Variants in EYS observed in about 807,000 individuals in gnomAD.
EYS encodes protein eyes shut homolog.
In EYS, 250 loss-of-function variants were observed where a neutral mutation model predicts 282.1. The observed-to-expected ratio is 0.89, with a 90% CI of 0.80 to 0.98. EYS has a LOEUF of 0.98. Ranked by LOEUF, EYS falls within the 50% of genes least tolerant of loss-of-function variation. The pLI is 0.00. For synonymous variants in EYS, 1,355 were observed against 1,282.9 expected, an observed-to-expected ratio of 1.06 and a Z score of -1.20; for missense variants, 4,016 against 3,709.0, an observed-to-expected ratio of 1.08 and a Z score of -2.15.
intron 14 of EYS, among the ~76,000 whole-genome samples, chr6:64,988,525 C>T (rs1444011392): frequency 6.6e-6 from 1 of 151,388 alleles, no homozygotes; most frequent in Non-Finnish European, 1.5e-5. Context: ...TTCTTCTTTC[C>T]TTCCTTTCTT....
intron 13 of EYS, among the ~76,000 whole-genome samples, chr6:64,998,894 G>A (rs1771363726): frequency 6.6e-6 from 1 of 151,942 alleles, no homozygotes; most frequent in Non-Finnish European, 1.5e-5. Context: ...ATTTAAGTTG[G>A]GATACTGATG....
chr6:64,886,065 CA>C (rs11350486), intron 19 of EYS, among the ~76,000 whole-genome samples: 23,430 of 151,636 alleles, frequency 0.15, 2,135 homozygotes, highest in East Asian at 0.49. Flanking sequence ...CAAAATAACA[CA>C]AAAACTATAT....
chr6:64,528,228 G>A (rs1241050738), intron 26 of EYS, among the ~76,000 whole-genome samples: 1 of 151,822 alleles, frequency 6.6e-6, no homozygotes, highest in Non-Finnish European at 1.5e-5. Context: ...TGCATTGACA[G>A]GTATTCTTGT....
intron 22 of EYS, among the ~76,000 whole-genome samples, chr6:64,746,498 G>A (rs1023702500): frequency 2.6e-5 from 4 of 151,938 alleles, no homozygotes; most frequent in African/African-American, 9.7e-5. Flanking sequence ...CGGTTACAGC[G>A]TCATAAATAG....
At chr6:64,683,673 A>G (rs1191914394) in intron 22 of EYS, among the ~76,000 whole-genome samples, 3 of 152,228 alleles carry the variant, frequency 2.0e-5, no homozygotes, top group African/African-American at 7.2e-5. Flanking sequence ...AAACATGGTG[A>G]AAAGTGCAAA....
At chr6:65,062,527 A>G (rs1161584295) in intron 12 of EYS, among the ~76,000 whole-genome samples, 1 of 151,960 alleles carries the variant, frequency 6.6e-6, no homozygotes, top group Non-Finnish European at 1.5e-5. Flanking sequence ...TAATATAATT[A>G]GGAAATACAA....
intron 31 of EYS, among the ~76,000 whole-genome samples, chr6:64,085,182 T>C (rs1772102169): frequency 6.6e-6 from 1 of 152,066 alleles, no homozygotes; most frequent in African/African-American, 2.4e-5. Flanking sequence ...TTCGCTATGT[T>C]GGCCAGGCTG....
chr6:65,306,803 A>AGCCTG (rs1442083067), intron 11 of EYS, among the ~76,000 whole-genome samples: 1 of 114,054 alleles, frequency 8.8e-6, no homozygotes, highest in East Asian at 2.8e-4. Flanking sequence ...ACTGCACTCC[A>AGCCTG]GCCTGGGCAG....
intron 26 of EYS, among the ~76,000 whole-genome samples, chr6:64,505,489 C>T (rs941755953): frequency 4.6e-5 from 7 of 152,192 alleles, no homozygotes; most frequent in Admixed American, 2.6e-4. Context: ...CAGCCACCGG[C>T]TCACCCTCAA....
chr6:65,430,948 A>G lies in EYS; in HGVS notation c.863-25581T>C, dbSNP rs144269508. Reference sequence around the variant, plus strand: ...TTGCTGTCCTCAGGTGAGATGCAGCACATTACCAACCTTGGTGGCCATGGG... The same window carrying G: ...TTGCTGTCCTCAGGTGAGATGCAGCGCATTACCAACCTTGGTGGCCATGGG... On this transcript the variant is annotated intron_variant, in intron 5 of 42. Transcript: ENST00000503581. Among the ~76,000 whole-genome samples, 20 of 152,294 alleles carry G rather than the reference A, an allele frequency of 1.3e-4. No homozygotes were observed. In the East Asian group the frequency reaches 1.7e-3, roughly 13 times the overall value.
At chr6:65,402,177 T>A (rs1226928713) in intron 7 of EYS, among the ~76,000 whole-genome samples, 2 of 151,930 alleles carry the variant, frequency 1.3e-5, no homozygotes, top group Non-Finnish European at 2.9e-5. Context: ...CTCTTTTCTT[T>A]CTAGATCTTC....
chr6:65,034,169 C>T (rs1391662317), intron 13 of EYS, among the ~76,000 whole-genome samples: 1 of 152,116 alleles, frequency 6.6e-6, no homozygotes, highest in Non-Finnish European at 1.5e-5. Context: ...ATGCCTATAC[C>T]CCCATTGTAT....
intron 18 of EYS, among the ~76,000 whole-genome samples, chr6:64,892,380 G>C (rs1475896194): frequency 6.6e-6 from 1 of 151,754 alleles, no homozygotes; most frequent in Non-Finnish European, 1.5e-5. Flanking sequence ...AAATGTGTTT[G>C]CAATAAAATT....
chr6:65,367,018 C>T, intron 8 of EYS, among the ~76,000 whole-genome samples: 1 of 151,640 alleles, frequency 6.6e-6, no homozygotes, highest in East Asian at 1.9e-4. Context: ...TCTCAAGATA[C>T]TTATCTTCAA....
intron 5 of EYS, among the ~76,000 whole-genome samples, chr6:65,447,010 T>C (rs185513589): frequency 2.8e-4 from 43 of 151,768 alleles, no homozygotes; most frequent in African/African-American, 9.9e-4. Context: ...GATGATTGTA[T>C]AGCCTATCTT....
intron 39 of EYS, among the ~76,000 whole-genome samples, chr6:63,780,840 T>A (rs566755521): frequency 6.6e-6 from 1 of 152,350 alleles, no homozygotes; most frequent in Non-Finnish European, 1.5e-5. Context: ...ATGTCCTGAA[T>A]GGTATTGCCT....
intron 19 of EYS, among the ~76,000 whole-genome samples, chr6:64,847,806 A>G (rs9363271): frequency 0.71 from 107,922 of 151,852 alleles, 38,734 homozygotes; most frequent in Admixed American, 0.76. Context: ...TCACAGACAA[A>G]ACCCTTTGAT....
intron 19 of EYS, among the ~76,000 whole-genome samples, chr6:64,851,342 C>A (rs1765878540): frequency 6.6e-6 from 1 of 152,054 alleles, no homozygotes; most frequent in Non-Finnish European, 1.5e-5. Context: ...ATAAGGACAT[C>A]CATGCCTATC....
intron 5 of EYS, among the ~76,000 whole-genome samples, chr6:65,442,886 A>G (rs36066926): frequency 0.23 from 34,091 of 147,504 alleles, 7,244 homozygotes; most frequent in Admixed American, 0.29. Context: ...ACACATACAT[A>G]TGTACATATA....
Sources: allele counts gnomAD v4.1 joint callset (sites outside exome capture counted in the v4.1 genomes callset), GRCh38; gene constraint gnomAD v4.1.1; transcripts MANE v1.5; gene names NCBI Gene and HGNC (gene_info 2026-07-23, HGNC 2026-07-21).